The following CHRNB4 variants were observed in gnomAD, a reference collection of about 807,000 sequenced individuals.
CHRNB4 encodes neuronal acetylcholine receptor subunit beta-4.
A neutral mutation model predicts 40.4 loss-of-function variants in CHRNB4; 23 were observed. The observed-to-expected ratio is 0.57, with a 90% CI of 0.41 to 0.81. CHRNB4 has a LOEUF of 0.81. CHRNB4 is among the 30% of genes least tolerant of loss of function. CHRNB4 has a pLI of 0.00. For missense variants in CHRNB4, 568 were observed against 670.6 expected (o/e 0.85, Z 1.69); for synonymous variants, 285 against 274.4 (o/e 1.04, Z -0.38).
chr15:78,641,084 C>A lies in CHRNB4; in HGVS notation c.50G>T (p.Gly17Val), dbSNP rs1285878610. ...CTTCCCCGAAAAGAACTCACCGCGC[C>A]CGCAAAGGGCGACCAGGAAGAAAAG... ...LVLFFLVALCGRGNCRVANAE... is the reference protein window; with the variant it reads ...LVLFFLVALCVRGNCRVANAE... The change falls in exon 1 of 6, where the codon GGG (glycine) becomes GTG (valine). Residue 17 changes from glycine to valine, a missense_variant. Coordinates refer to ENST00000261751, the MANE Select transcript of CHRNB4 (RefSeq NM_000750.5). The A allele has an allele frequency of 6.3e-7, 1 of 1,580,024 alleles. No individual in the cohort carries two copies. Among genetic ancestry groups the A allele is most frequent in the Non-Finnish European group, 8.6e-7 (1 of 1,163,540 alleles).
At chr15:78,649,848 A>C (rs1017586071) in intron 6 of CHRNB4, among the ~76,000 whole-genome samples, 3 of 151,512 alleles carry the variant, frequency 2.0e-5, no homozygotes, top group Non-Finnish European at 1.5e-5. Context: ...GTTTTGTTTC[A>C]TAAATAAATT....
Position 78,651,575 on chromosome 15 carries a change from G to A in CHRNB4, c.-16+1003C>T, listed in dbSNP as rs988563146. ...CAGCTTCTCAGATTGACCGAGAAGT[G>A]GACCCCTTCTCTGACTCTCCAGCTC... On this transcript the variant is annotated intron_variant and NMD_transcript_variant, in intron 6 of 11. Transcript: ENST00000559849. Among the ~76,000 whole-genome samples the A allele has an allele frequency of 3.9e-5, 6 of 152,156 alleles. No individual in the cohort carries two copies. The East Asian group carries it at 1.2e-3, about 29-fold the overall frequency.
chr15:78,649,851 A>C (rs968728766), intron 6 of CHRNB4, among the ~76,000 whole-genome samples: 2 of 151,532 alleles, frequency 1.3e-5, no homozygotes, highest in African/African-American at 4.9e-5. Flanking sequence ...TTGTTTCATA[A>C]ATAAATTTGC....
upstream of CHRNB4, among the ~76,000 whole-genome samples, chr15:78,642,479 G>A (rs977671554): frequency 6.6e-5 from 10 of 152,200 alleles, no homozygotes; most frequent in African/African-American, 2.2e-4. Context: ...TGGGATAAGC[G>A]GGGACCAAAA....
rs141876090 is a variant in CHRNB4 at position 78,629,899 on chromosome 15, G to A, written c.406C>T (p.Arg136Trp). ...EVSVYTNLIV[R>W]SNGSVLWLPP... ...AGCCACAGGACGCTGCCGTTGGACC[G>A]GACTATCAAGTTGGTGTAGACAGAC... The change falls in exon 5 of 6, where the codon CGG becomes TGG. Residue 136 changes from arginine to tryptophan, a missense_variant. Physicochemically the swap from Arg to Trp is moderately radical, Grantham distance 101. This residue lies in a region of CHRNB4 where 127 missense variants were observed against 167.4 expected (regional missense o/e 0.76). Coordinates refer to ENST00000261751, the MANE Select transcript of CHRNB4 (RefSeq NM_000750.5). The surrounding 1 kb of genome is among the most constrained non-coding windows in gnomAD (Gnocchi z 6.8). 5.8e-4 allele frequency: 931 copies of A among 1,610,142 alleles called. 6 individuals are homozygous for A. In the African/African-American group the frequency reaches 0.01, roughly 18 times the overall value.
chr15:78,631,892 G>A (rs551269899), intron 2 of CHRNB4, among the ~76,000 whole-genome samples: 11 of 152,206 alleles, frequency 7.2e-5, no homozygotes, highest in African/African-American at 2.4e-4. Context: ...AGGCCCTAGT[G>A]ATCTGCCTCC....
chr15:78,628,874 C>T, intron 5 of CHRNB4, 93 bp downstream of exon 5: 1 of 1,465,688 alleles, frequency 6.8e-7, no homozygotes, highest in Non-Finnish European at 9.2e-7. Flanking sequence ...GAGTCCTTGT[C>T]TCCTATGAAT....
chr15:78,656,545 CAA>C (rs1226455116), exon 4 of CHRNB4: 1 of 150,480 alleles, frequency 6.6e-6, no homozygotes, highest in Non-Finnish European at 1.5e-5. Flanking sequence ...TAAAGTAACA[CAA>C]AGCAAAAAAA....
rs557662807 is a variant in CHRNB4, at chr15:78,625,738, C to G, written c.1339-447G>C. Among the ~76,000 whole-genome samples the G allele has an allele frequency of 3.9e-4, 60 of 152,266 alleles. 3 individuals are homozygous for G. The South Asian group carries it at 0.012, about 29-fold the overall frequency. ...ACCTAGTTCAGTGAGAGCAGAGAAA[C>G]CGGGGCTTACAGAACACCTGGAAAT... is the stretch of plus-strand genomic sequence containing the variant. On this transcript the variant is annotated intron_variant, in intron 5 of 5. Transcript: ENST00000261751.
At chr15:78,655,450 ATATATATC>A (rs952634645) in intron 5 of CHRNB4, 11 of 121,366 alleles carry the variant, frequency 9.1e-5, no homozygotes, top group Non-Finnish European at 1.4e-4. Context: ...ATCTATATCT[ATATATATC>A]TATATATCTA....
At chr15:78,659,312 T>G (rs1377501116) in intron 1 of CHRNB4, among the ~76,000 whole-genome samples, 4 of 152,050 alleles carry the variant, frequency 2.6e-5, no homozygotes, top group African/African-American at 9.7e-5. Flanking sequence ...TTCATGCCTG[T>G]AGTCCCAGCT....
In CHRNB4 at chr15:78,629,447, T is replaced by G; in HGVS notation, c.858A>C (p.Pro286=). ...FFLLLISKIV[P]PTSLDVPLIG... ...TGAGAGGCACATCGAGGGAGGTGGG[T>G]GGCACGATCTTGGAGATGAGCAGCA... Residue 286 remains proline, a synonymous_variant, in exon 5 of 6, where the codon CCA becomes CCC. Transcript: ENST00000261751. The surrounding 1 kb of genome is among the most constrained non-coding windows in gnomAD (Gnocchi z 6.8). The G allele has an allele frequency of 6.2e-7, 1 of 1,614,036 alleles. No homozygotes were observed. Among genetic ancestry groups the G allele is most frequent in the Non-Finnish European group, 8.5e-7 (1 of 1,179,996 alleles).
intron 5 of CHRNB4, chr15:78,626,482 G>T (rs1429601593): frequency 6.6e-6 from 1 of 152,220 alleles, no homozygotes; most frequent in East Asian, 1.9e-4. Context: ...TGGCTTAGGG[G>T]CAGGCATGCT....
intron 7 of CHRNB4, among the ~76,000 whole-genome samples, chr15:78,649,137 G>A (rs1244096368): frequency 2.6e-5 from 4 of 152,108 alleles, no homozygotes; most frequent in Admixed American, 2.0e-4. Context: ...GGAACAGCAG[G>A]AGCACTCGCC....
exon 4 of CHRNB4, chr15:78,656,345 A>AAAC (rs2054213352): frequency 6.6e-6 from 1 of 151,882 alleles, no homozygotes; most frequent in Admixed American, 6.6e-5. Flanking sequence ...TCAAAAAAAA[A>AAAC]AAAAAAAAAG....
chr15:78,649,563 G>A (rs1401940505), intron 6 of CHRNB4: 2 of 291,504 alleles, frequency 6.9e-6, no homozygotes, highest in Non-Finnish European at 1.4e-5. Flanking sequence ...TCTGCTATAT[G>A]GCTTTTTACA....
upstream of CHRNB4, chr15:78,641,369 C>A (rs558262976): frequency 6.5e-6 from 3 of 460,502 alleles, no homozygotes; most frequent in Non-Finnish European, 7.6e-6. Context: ...CGCCTGGCTT[C>A]CCTATCTCTT....
chr15:78,648,119 C>T (rs112597414), intron 7 of CHRNB4, among the ~76,000 whole-genome samples: 8,849 of 151,482 alleles, frequency 0.058, 854 homozygotes, highest in African/African-American at 0.2. Flanking sequence ...TAGGGCCGGG[C>T]GAGGTGGCTC....
intron 1 of CHRNB4, among the ~76,000 whole-genome samples, chr15:78,636,068 C>T (rs528303766): frequency 1.3e-5 from 2 of 152,180 alleles, no homozygotes; most frequent in African/African-American, 4.8e-5. Flanking sequence ...CCACCACACC[C>T]GGCTAATTTT....
Sources: gnomAD v4.1 joint callset for allele counts (sites outside exome capture counted in the v4.1 genomes callset) on GRCh38, gnomAD v4.1.1 for gene constraint, gnomAD v4.1.1 regional missense constraint, Gnocchi (gnomAD v3.1) non-coding constraint, MANE v1.5 for transcripts, NCBI Gene and HGNC (gene_info 2026-07-23, HGNC 2026-07-21) for gene names.